Variants in SERPINB8 observed in about 807,000 individuals in gnomAD.
SERPINB8 encodes serpin B8.
In SERPINB8, 25 loss-of-function variants were observed where a neutral mutation model predicts 35.3. That is an observed-to-expected ratio of 0.71 (90% CI 0.52 to 0.99). The LOEUF (loss-of-function observed/expected upper bound fraction) is 0.99, where lower values mean the gene tolerates loss of function less well. Ranked by LOEUF, SERPINB8 falls within the 50% of genes least tolerant of loss-of-function variation. SERPINB8 has a pLI of 0.00. For synonymous variants in SERPINB8, 186 were observed against 160.8 expected (o/e 1.16, Z -1.19); for missense variants, 484 against 446.5 (o/e 1.08, Z -0.76).
At chr18:63,998,348 T>A (rs1376821162) in intron 1 of SERPINB8, among the ~76,000 whole-genome samples, 1 of 152,224 alleles carries the variant, frequency 6.6e-6, no homozygotes, top group African/African-American at 2.4e-5. Context: ...TATCTAATAA[T>A]GGCCCAAACG....
Position 63,987,532 on chromosome 18 carries a change from C to T in SERPINB8, c.*254C>T, listed in dbSNP as rs2050780726. ...GTGCCTGCCATTGCCTCTGCCTTCA[C>T]CTAAGTCTGTGCCCATTGTTTCAGG... On this transcript the variant is annotated 3_prime_UTR_variant, in exon 7 of 7. Transcript: ENST00000397985. The T allele has an allele frequency of 6.5e-6, 3 of 464,116 alleles. No homozygotes were observed. The highest frequency in any genetic ancestry group is 1.1e-5 in the Non-Finnish European group (3 of 261,270). 28.7% of individuals were successfully genotyped at this position (464,116 alleles called of 1,614,324 possible). A position where few individuals can be genotyped will look rare whatever the true frequency, so the allele number is the denominator to read the frequency against.
downstream of SERPINB8, among the ~76,000 whole-genome samples, chr18:64,008,333 C>T (rs2050909856): frequency 6.6e-6 from 1 of 152,138 alleles, no homozygotes; most frequent in Admixed American, 6.5e-5. Flanking sequence ...ACTTCCACCT[C>T]CCAGGTTCAA....
At chr18:63,978,278 C>T in intron 1 of SERPINB8, 21 bp from the exon 2 acceptor site, 5 of 1,613,926 alleles carry the variant, frequency 3.1e-6, no homozygotes, top group Non-Finnish European at 4.2e-6. Flanking sequence ...TGTGCTTTTC[C>T]CTGCTGTGCC....
intron 1 of SERPINB8, among the ~76,000 whole-genome samples, chr18:63,976,307 T>C (rs2050580721): frequency 6.6e-6 from 1 of 152,142 alleles, no homozygotes; most frequent in Non-Finnish European, 1.5e-5. Flanking sequence ...TAGCCCACGT[T>C]TTTATAGGGT....
chr18:63,986,384 C>T, intron 6 of SERPINB8: 3 of 1,557,822 alleles, frequency 1.9e-6, no homozygotes, highest in Non-Finnish European at 8.7e-7. Flanking sequence ...TGCCTCCCTT[C>T]ATCTTCAGAT....
rs890229036 is a variant in SERPINB8, at chr18:63,987,206, C to A, written c.1053C>A (p.His351Gln). 1 of 1,614,174 alleles carries A rather than the reference C, an allele frequency of 6.2e-7. No individual in the cohort carries two copies. Among genetic ancestry groups the A allele is most frequent in the Admixed American group, 1.7e-5 (1 of 60,022 alleles). ...SRMEPRFCAD[H>Q]PFLFFIRHHK... is the part of the protein sequence containing the mutation. ...TGGAGCCAAGATTCTGTGCAGACCACCCTTTTCTTTTCTTCATCAGGCACC... is the reference window on the plus strand; with the variant it reads ...TGGAGCCAAGATTCTGTGCAGACCAACCTTTTCTTTTCTTCATCAGGCACC... The change falls in exon 7 of 7, where the codon CAC becomes CAA. Residue 351 changes from histidine (H) to glutamine (Q), a missense_variant. By Grantham distance (24) the His-to-Gln change is conservative. Transcript: ENST00000397985.
chr18:64,004,523 C>T (rs1568285065), intron 1 of SERPINB8, among the ~76,000 whole-genome samples: 1 of 151,902 alleles, frequency 6.6e-6, no homozygotes, highest in Non-Finnish European at 1.5e-5. Context: ...TTGGCATATA[C>T]CTATTTATAA....
chr18:63,982,508 A>G (rs1320144193), intron 4 of SERPINB8, among the ~76,000 whole-genome samples: 1 of 152,208 alleles, frequency 6.6e-6, no homozygotes, highest in Non-Finnish European at 1.5e-5. Flanking sequence ...GAATTAAGTC[A>G]CTTATTTCAA....
At chr18:63,986,289 T>A in intron 6 of SERPINB8, 1 of 1,610,400 alleles carries the variant, frequency 6.2e-7, no homozygotes. Flanking sequence ...AATTTGAAGC[T>A]AACTCCAGGA....
In SERPINB8 at chr18:63,983,689, T is replaced by C; in HGVS notation, c.535T>C (p.Tyr179His). ...GKWNEQFDRK[Y>H]TRGMLFKTNE... ...GTGGAATGAGCAATTTGACAGAAAG[T>C]ACACAAGGGGAATGCTCTTTAAAAC... Residue 179 changes from tyrosine (Y) to histidine (H), a missense_variant, in exon 5 of 7, where the codon TAC becomes CAC. Physicochemically the swap from Tyr to His is moderately conservative, Grantham distance 83. Transcript: ENST00000397985. 6.2e-6 allele frequency: 10 copies of C among 1,613,948 alleles called. No homozygotes were observed. The highest frequency in any genetic ancestry group is 8.5e-6 in the Non-Finnish European group (10 of 1,179,838).
intron 6 of SERPINB8, chr18:63,986,515 T>C: frequency 7.4e-7 from 1 of 1,348,924 alleles, no homozygotes; most frequent in Non-Finnish European, 9.5e-7. Context: ...AAACAATCTC[T>C]CCCACTCACA....
At chr18:63,973,586 T>C (rs893314333) in intron 1 of SERPINB8, among the ~76,000 whole-genome samples, 1 of 152,250 alleles carries the variant, frequency 6.6e-6, no homozygotes, top group Admixed American at 6.5e-5. Context: ...TCCTGAATGG[T>C]ATTGCCTAGG....
Position 63,988,737 on chromosome 18 carries a change from G to A in SERPINB8, c.*1459G>A, listed in dbSNP as rs1255820438. The A allele has an allele frequency of 1.3e-5, 2 of 151,324 alleles. No homozygotes were observed. The highest frequency in any genetic ancestry group is 4.8e-5 in the African/African-American group (2 of 41,356). The allele number at this position is 151,324 out of a possible 1,614,324, so 9.4% of individuals were successfully genotyped here. On this transcript the variant is annotated 3_prime_UTR_variant, in exon 7 of 7. Coordinates refer to ENST00000397985, the MANE Select transcript of SERPINB8 (RefSeq NM_002640.4). The stretch of plus-strand genomic sequence containing the variant: ...ACAGCTCTTACTTAAATTTGACCAA[G>A]CCAGGATATATCTGTTAGGCCACAT...
intron 4 of SERPINB8, 96 bp from the exon 5 acceptor site, chr18:63,983,483 C>A: frequency 8.4e-7 from 1 of 1,194,468 alleles, no homozygotes; most frequent in Non-Finnish European, 1.2e-6. Flanking sequence ...TCCAGCCTGT[C>A]TCTCAACCAA....
At chr18:63,991,994 T>A (rs1341549415), downstream of SERPINB8, among the ~76,000 whole-genome samples, 3 of 152,246 alleles carry the variant, frequency 2.0e-5, no homozygotes, top group Non-Finnish European at 4.4e-5. Context: ...CTCCACTTGG[T>A]CATGATGTAT....
rs147416979 is a variant in SERPINB8 at position 63,986,895 on chromosome 18, G to A, written c.742G>A (p.Glu248Lys). 1.9e-6 allele frequency: 3 copies of A among 1,610,718 alleles called. No individual in the cohort carries two copies. Among genetic ancestry groups the A allele is most frequent in the Non-Finnish European group, 2.5e-6 (3 of 1,179,034 alleles). Residue 248 changes from glutamate (E) to lysine (K), a missense_variant, in exon 7 of 7, where the codon GAG becomes AAG. By Grantham distance (56) the Glu-to-Lys change is moderately conservative. Coordinates refer to ENST00000397985, the MANE Select transcript of SERPINB8 (RefSeq NM_002640.4). ...LAVVEKALTY[E>K]KFKAWTNSEK... is the part of the protein sequence containing the mutation. ...CTAGGTGGAAAAAGCACTTACATAT[G>A]AGAAATTCAAAGCCTGGACAAATTC...
At chr18:63,995,985 C>G (rs1490141944) in intron 1 of SERPINB8, among the ~76,000 whole-genome samples, 1 of 152,064 alleles carries the variant, frequency 6.6e-6, no homozygotes, top group Non-Finnish European at 1.5e-5. Flanking sequence ...CAACAGGAAG[C>G]AGGTGGTTGC....
rs781113077 is a variant in SERPINB8 at position 63,987,276 on chromosome 18, T to C, written c.1123T>C (p.Ter375GlnextTer19). 2 of 1,609,380 alleles carry C rather than the reference T, an allele frequency of 1.2e-6. No homozygotes were observed. The highest frequency in any genetic ancestry group is 2.7e-5 in the African/African-American group (2 of 74,880). ...GTTCTGTGGCAGGTTCTCTTCTCCG[T>C]AAAGAGGAGCAATTGCTGTACATAC... is the stretch of plus-strand genomic sequence containing the variant. ...ILFCGRFSSP[*>Q] The change falls in exon 7 of 7, where the codon TAA (stop) becomes CAA (glutamine). Residue 375 changes from the stop codon to glutamine, a stop_lost. Coordinates refer to ENST00000397985, the MANE Select transcript of SERPINB8 (RefSeq NM_002640.4).
downstream of SERPINB8, among the ~76,000 whole-genome samples, chr18:63,990,521 A>AT (rs1259354312): frequency 8.1e-5 from 12 of 148,636 alleles, no homozygotes; most frequent in South Asian, 2.1e-4. Context: ...TGCACACTTT[A>AT]TTTTTTTACT....
Sources: gnomAD v4.1 joint callset for allele counts (sites outside exome capture counted in the v4.1 genomes callset) on GRCh38, gnomAD v4.1.1 for gene constraint, MANE v1.5 for transcripts, NCBI Gene and HGNC (gene_info 2026-07-23, HGNC 2026-07-21) for gene names.